KCNJ6: variants seen among roughly 807,000 people sequenced by gnomAD.
KCNJ6 encodes the protein potassium inwardly rectifying channel subfamily J member 6.
A neutral mutation model predicts 34.2 loss-of-function variants in KCNJ6; 9 were observed. The ratio of observed to expected loss-of-function variants is 0.26; its 90% CI spans 0.16 to 0.46. KCNJ6 has a LOEUF of 0.46. Among genes scored for constraint, KCNJ6 ranks in the 20% least tolerant of loss-of-function variants. KCNJ6 has a pLI of 1.00. For synonymous variants in KCNJ6, 196 were observed against 207.1 expected, an observed-to-expected ratio of 0.95 and a Z score of 0.46; for missense variants, 236 against 531.3, an observed-to-expected ratio of 0.44 and a Z score of 5.46.
At chr21:37,818,002 G>A (rs771275343) in intron 2 of KCNJ6, among the ~76,000 whole-genome samples, 9 of 152,108 alleles carry the variant, frequency 5.9e-5, no homozygotes, top group African/African-American at 2.2e-4. Context: ...CATCTGCCTC[G>A]TACCCAGAAT....
At chr21:37,690,679 C>T (rs1240149253) in intron 3 of KCNJ6, among the ~76,000 whole-genome samples, 1 of 152,158 alleles carries the variant, frequency 6.6e-6, no homozygotes, top group Non-Finnish European at 1.5e-5. Flanking sequence ...TTTAAAAATT[C>T]CACAAAGCCC....
chr21:37,901,292 G>C (rs2055815634), intron 1 of KCNJ6, among the ~76,000 whole-genome samples: 1 of 152,220 alleles, frequency 6.6e-6, no homozygotes, highest in Non-Finnish European at 1.5e-5. Flanking sequence ...TTAAAGGTGA[G>C]TGTTGTCTTA....
intron 1 of KCNJ6, among the ~76,000 whole-genome samples, chr21:37,873,319 C>G (rs1272164963): frequency 6.6e-6 from 1 of 152,206 alleles, no homozygotes; most frequent in East Asian, 1.9e-4. Flanking sequence ...AGTAAATCCT[C>G]ACAGTGACTC....
At chr21:37,817,875 C>T (rs945501971) in intron 2 of KCNJ6, among the ~76,000 whole-genome samples, 8 of 152,150 alleles carry the variant, frequency 5.3e-5, no homozygotes, top group African/African-American at 1.4e-4. Flanking sequence ...CAACAGAACT[C>T]TTTTTGTATC....
intron 1 of KCNJ6, among the ~76,000 whole-genome samples, chr21:37,887,610 T>C (rs1295007021): frequency 1.3e-5 from 2 of 152,174 alleles, no homozygotes; most frequent in African/African-American, 4.8e-5. Context: ...TGTAAGAAGA[T>C]AATGAGTGAT....
chr21:37,664,078 A>T (rs2054502608), intron 3 of KCNJ6, among the ~76,000 whole-genome samples: 1 of 152,208 alleles, frequency 6.6e-6, no homozygotes, highest in African/African-American at 2.4e-5. Flanking sequence ...AAAACACCAT[A>T]CTTTTGGAAA....
At chr21:37,726,856 G>T (rs1480664916) in intron 2 of KCNJ6, among the ~76,000 whole-genome samples, 1 of 152,232 alleles carries the variant, frequency 6.6e-6, no homozygotes, top group East Asian at 1.9e-4. Flanking sequence ...ATTCACTAGT[G>T]TTGTGGATTG....
rs932308780 is a variant in KCNJ6, at chr21:37,611,202, A to C, written c.*13957T>G. On this transcript the variant is annotated 3_prime_UTR_variant, in exon 4 of 4. Transcript: ENST00000609713. ...AAAGGATAATAAAAGATAATGAAGG[A>C]ATTTTATGAATGACTTTATACCCAC... The C allele has an allele frequency of 2.6e-5, 4 of 152,216 alleles. No homozygotes were observed. The highest frequency in any genetic ancestry group is 9.6e-5 in the African/African-American group (4 of 41,462). 9.4% of individuals were successfully genotyped at this position (152,216 alleles called of 1,614,324 possible). A position where few individuals can be genotyped will look rare whatever the true frequency, so the allele number is the denominator to read the frequency against.
At chr21:37,859,487 T>TATATATATATATATA (rs2055582251) in intron 1 of KCNJ6, among the ~76,000 whole-genome samples, 15 of 84,294 alleles carry the variant, frequency 1.8e-4, no homozygotes, top group Middle Eastern at 6.8e-3. Flanking sequence ...TTATATTACT[T>TATATATATATATATA]TATATATATA....
intron 2 of KCNJ6, among the ~76,000 whole-genome samples, chr21:37,779,654 C>T (rs2055159722): frequency 6.6e-6 from 1 of 152,126 alleles, no homozygotes; most frequent in South Asian, 2.1e-4. Flanking sequence ...TGGCTGGTCC[C>T]AGGAGCCTCT....
At chr21:37,757,730 T>C (rs1318222943) in intron 2 of KCNJ6, among the ~76,000 whole-genome samples, 2 of 152,052 alleles carry the variant, frequency 1.3e-5, no homozygotes, top group East Asian at 3.9e-4. Context: ...TCCCTCACAG[T>C]GTGCTGATCT....
intron 2 of KCNJ6, among the ~76,000 whole-genome samples, chr21:37,716,540 G>T (rs138320403): frequency 0.018 from 2,666 of 151,996 alleles, 35 homozygotes; most frequent in Middle Eastern, 0.037. Flanking sequence ...ATGTCACTAT[G>T]CCTGGCCAAT....
At chr21:37,693,178 T>C (rs906668719) in intron 3 of KCNJ6, among the ~76,000 whole-genome samples, 4 of 152,216 alleles carry the variant, frequency 2.6e-5, no homozygotes, top group African/African-American at 9.7e-5. Context: ...TTTTTCGAGA[T>C]AGATGGTACC....
rs199773602 is a variant in KCNJ6 at position 37,634,521 on chromosome 21, AT to A, written c.947-9038del. ...CACAATGAACTAGGACAGCAGTATC[AT>A]TTTTAACAAATTGGAAACAACCCAA... On this transcript the variant is annotated intron_variant, in intron 3 of 3. Coordinates refer to ENST00000609713, the MANE Select transcript of KCNJ6 (RefSeq NM_002240.5). Among the ~76,000 whole-genome samples the A allele has an allele frequency of 2.2e-3, 333 of 152,298 alleles. 5 individuals carry two copies. The East Asian group carries it at 0.031, about 14-fold the overall frequency.
intron 2 of KCNJ6, among the ~76,000 whole-genome samples, chr21:37,789,405 A>C (rs2055206686): frequency 6.6e-6 from 1 of 152,198 alleles, no homozygotes; most frequent in African/African-American, 2.4e-5. Context: ...AGGCCATGTG[A>C]GCATGTAGCA....
intron 2 of KCNJ6, among the ~76,000 whole-genome samples, chr21:37,833,826 C>T (rs570090805): frequency 6.6e-6 from 1 of 152,306 alleles, no homozygotes; most frequent in African/African-American, 2.4e-5. Context: ...CCAAAAATAA[C>T]TCCAAACAAC....
intron 1 of KCNJ6, among the ~76,000 whole-genome samples, chr21:37,854,390 A>C (rs2055553945): frequency 6.6e-6 from 1 of 152,158 alleles, no homozygotes; most frequent in Non-Finnish European, 1.5e-5. Flanking sequence ...TAAGTGAAGT[A>C]AGCCAGGCGC....
intron 3 of KCNJ6, among the ~76,000 whole-genome samples, chr21:37,670,351 C>T (rs2054535837): frequency 1.3e-5 from 2 of 152,222 alleles, no homozygotes; most frequent in East Asian, 3.9e-4. Flanking sequence ...TTTGGGGACC[C>T]TTGCATTTCC....
At chr21:37,733,678 T>C (rs1280894272) in intron 2 of KCNJ6, among the ~76,000 whole-genome samples, 1 of 152,244 alleles carries the variant, frequency 6.6e-6, no homozygotes, top group Non-Finnish European at 1.5e-5. Context: ...GTCTGATGCA[T>C]TGAATAAATT....
Sources: allele counts gnomAD v4.1 joint callset (sites outside exome capture counted in the v4.1 genomes callset), GRCh38; gene constraint gnomAD v4.1.1; transcripts MANE v1.5; gene names NCBI Gene and HGNC (gene_info 2026-07-23, HGNC 2026-07-21).